Variants in PKHD1 observed in about 807,000 individuals in gnomAD.
The protein encoded by PKHD1 is PKHD1 ciliary IPT domain containing fibrocystin/polyductin.
A neutral mutation model predicts 412.0 loss-of-function variants in PKHD1; 291 were observed. The observed-to-expected ratio is 0.71, with a 90% confidence interval of 0.64 to 0.78. PKHD1 has a LOEUF of 0.78. Among genes scored for constraint, PKHD1 ranks in the 30% least tolerant of loss-of-function variants. PKHD1 has a pLI of 0.00. For synonymous variants in PKHD1, 1,777 were observed against 1,821.5 expected, an observed-to-expected ratio of 0.98 and a Z score of 0.62; for missense variants, 4,825 against 4,950.7, an observed-to-expected ratio of 0.97 and a Z score of 0.76.
intron 43 of PKHD1, among the ~76,000 whole-genome samples, chr6:51,902,950 C>T (rs1031014434): frequency 6.6e-6 from 1 of 152,142 alleles, no homozygotes; most frequent in African/African-American, 2.4e-5. Context: ...GTTTTGAACA[C>T]TCTTAAAGGA....
intron 35 of PKHD1, among the ~76,000 whole-genome samples, chr6:51,997,983 G>C (rs1017202785): frequency 2.6e-5 from 4 of 152,236 alleles, no homozygotes; most frequent in East Asian, 1.9e-4. Flanking sequence ...ATGTGGAATA[G>C]AGTGGGTCTG....
rs145609416 is a variant in PKHD1, at chr6:52,043,557, T to C, written c.2821+68A>G. On this transcript the variant is annotated intron_variant, in intron 26 of 66. Coordinates refer to ENST00000371117, the MANE Select transcript of PKHD1 (RefSeq NM_138694.4). ...TTCTACCCACCCATCACCAGCTACA[T>C]GGCCTCTAACAAAATCACTGCAAGT... 10 of 1,056,592 alleles carry C rather than the reference T, an allele frequency of 9.5e-6. No individual in the cohort carries two copies. In the East Asian group the frequency reaches 1.2e-4, roughly 13 times the overall value. The allele number at this position is 1,056,592 out of a possible 1,614,324, so 65.5% of individuals were successfully genotyped here.
intron 60 of PKHD1, among the ~76,000 whole-genome samples, chr6:51,733,947 G>A (rs756195673): frequency 1.1e-4 from 17 of 152,324 alleles, no homozygotes; most frequent in Middle Eastern, 3.4e-3. Context: ...CATGTGAAGT[G>A]AAGCTGATTG....
intron 60 of PKHD1, chr6:51,682,125 T>G: frequency 2.3e-6 from 1 of 429,966 alleles, no homozygotes; most frequent in South Asian, 1.7e-5. Context: ...AGTACTCTGA[T>G]GGATGCAGCA....
chr6:51,701,419 G>T (rs1337445942), intron 60 of PKHD1, among the ~76,000 whole-genome samples: 1 of 152,056 alleles, frequency 6.6e-6, no homozygotes, highest in Non-Finnish European at 1.5e-5. Context: ...TCTGTCCAAA[G>T]ATTCTGACAT....
intron 53 of PKHD1, among the ~76,000 whole-genome samples, chr6:51,786,081 T>C (rs922969536): frequency 6.6e-6 from 1 of 152,198 alleles, no homozygotes; most frequent in Non-Finnish European, 1.5e-5. Flanking sequence ...TTATTATTTC[T>C]ACTTTGGAGA....
At chr6:52,027,782 A>ATTCT in intron 31 of PKHD1, 47 bp downstream of exon 31, 10 of 1,346,918 alleles carry the variant, frequency 7.4e-6, no homozygotes, top group Non-Finnish European at 9.6e-6. Context: ...ATATCCAGCA[A>ATTCT]ATAGAATTGC....
chr6:52,030,902 G>T (rs1279897756), intron 29 of PKHD1, among the ~76,000 whole-genome samples: 1 of 152,186 alleles, frequency 6.6e-6, no homozygotes, highest in Non-Finnish European at 1.5e-5. Flanking sequence ...TGGCTACGCT[G>T]AAAACAAGTG....
In PKHD1 at chr6:52,045,937, A is replaced by AT. The variant is rs58370838; in HGVS notation, c.2592+66dup. ...GACAGTTTCCATTTGTATAATTCTG[A>AT]TTTTTTTTTTTGCAGAATTTCTCCA... On this transcript the variant is annotated intron_variant, in intron 24 of 66. Coordinates refer to ENST00000371117, the MANE Select transcript of PKHD1 (RefSeq NM_138694.4). The AT allele has an allele frequency of 0.19, 148,525 of 782,098 alleles. 2,057 individuals carry two copies. Among genetic ancestry groups the AT allele is most frequent in the Middle Eastern group, 0.23 (913 of 3,912 alleles). The allele number at this position is 782,098 out of a possible 1,614,324, so 48.4% of individuals were successfully genotyped here.
chr6:51,967,866 A>G (rs767557102), intron 35 of PKHD1, among the ~76,000 whole-genome samples: 12 of 152,212 alleles, frequency 7.9e-5, no homozygotes, highest in Non-Finnish European at 1.3e-4. Context: ...ATTTTAAGTG[A>G]TGGACTACAA....
chr6:51,770,474 AGTTAT>A (rs1384910973), intron 55 of PKHD1, among the ~76,000 whole-genome samples: 4 of 126,750 alleles, frequency 3.2e-5, no homozygotes, highest in East Asian at 3.7e-4. Flanking sequence ...CTGGTAAAAA[AGTTAT>A]AATTATATTT....
At chr6:51,631,334 G>GA (rs1449908766) in intron 65 of PKHD1, among the ~76,000 whole-genome samples, 3 of 152,158 alleles carry the variant, frequency 2.0e-5, no homozygotes, top group Non-Finnish European at 4.4e-5. Context: ...TTCTTCTTCA[G>GA]AAAGACAAGG....
rs548179663 is a variant in PKHD1 at position 51,751,573 on chromosome 6, T to TA, written c.8950+1627dup. On this transcript the variant is annotated intron_variant, in intron 57 of 66. Transcript: ENST00000371117. ...TGCAGCTTTTCTATAAATCCAAAAT[T>TA]ATTACAAAATTAAAAGTTTAATTAA... is the stretch of plus-strand genomic sequence containing the variant. 1.2e-4 allele frequency among the ~76,000 whole-genome samples: 18 copies of TA among 152,312 alleles called. No homozygotes were observed. The South Asian group carries it at 3.1e-3, about 26-fold the overall frequency.
At chr6:51,929,697 G>C (rs1408766856) in intron 37 of PKHD1, among the ~76,000 whole-genome samples, 1 of 152,186 alleles carries the variant, frequency 6.6e-6, no homozygotes, top group East Asian at 1.9e-4. Context: ...GGCATTTTCA[G>C]AAGGAAAACA....
chr6:51,920,052 T>C (rs1784449297), intron 37 of PKHD1, among the ~76,000 whole-genome samples: 1 of 152,272 alleles, frequency 6.6e-6, no homozygotes, highest in South Asian at 2.1e-4. Flanking sequence ...TTTCTAAATA[T>C]ACAATCATGT....
At chr6:51,730,854 A>G (rs1211634879) in intron 60 of PKHD1, among the ~76,000 whole-genome samples, 1 of 152,230 alleles carries the variant, frequency 6.6e-6, no homozygotes, top group African/African-American at 2.4e-5. Context: ...CTGAAAATAG[A>G]CAAACATTCA....
Position 51,641,311 on chromosome 6 carries a change from G to A in PKHD1, c.11399-2355C>T, listed in dbSNP as rs1183481721. 2.5e-4 allele frequency among the ~76,000 whole-genome samples: 38 copies of A among 152,202 alleles called. 1 individual carries two copies. Among genetic ancestry groups the A allele is most frequent in the Admixed American group, 2.4e-3 (37 of 15,286 alleles). On this transcript the variant is annotated intron_variant, in intron 63 of 66. Transcript: ENST00000371117. ...AATACTGATCCAAGTGAGCTAGTTG[G>A]CTTGAGTGTGGCTTGGTGTCCGTAG...
chr6:52,018,142 T>A (rs957465500), intron 33 of PKHD1, among the ~76,000 whole-genome samples: 10 of 152,354 alleles, frequency 6.6e-5, no homozygotes, highest in African/African-American at 2.4e-4. Context: ...ACATTTTCAC[T>A]GCTGTTCAAT....
chr6:51,972,702 C>T (rs1695881980), intron 35 of PKHD1, among the ~76,000 whole-genome samples: 1 of 152,168 alleles, frequency 6.6e-6, no homozygotes, highest in Non-Finnish European at 1.5e-5. Flanking sequence ...TCTTAGAGCC[C>T]AGTTTCAAAT....
Sources: allele counts gnomAD v4.1 joint callset (sites outside exome capture counted in the v4.1 genomes callset), GRCh38; gene constraint gnomAD v4.1.1; transcripts MANE v1.5; gene names NCBI Gene and HGNC (gene_info 2026-07-23, HGNC 2026-07-21).